Variants in IGSF21 observed in about 807,000 individuals in gnomAD.
IGSF21 encodes the protein immunoglobulin superfamily member 21.
In IGSF21, 28 loss-of-function variants were observed where a neutral mutation model predicts 46.8. The ratio of observed to expected loss-of-function variants is 0.60; its 90% CI spans 0.44 to 0.82. The LOEUF (loss-of-function observed/expected upper bound fraction) is 0.82. Ranked by LOEUF, IGSF21 falls within the 40% of genes least tolerant of loss-of-function variation. The pLI, the probability that IGSF21 is intolerant of heterozygous loss-of-function variation, is 0.00. For synonymous variants in IGSF21, 284 were observed against 273.6 expected (o/e 1.04, Z -0.38); for missense variants, 624 against 665.5 (o/e 0.94, Z 0.69).
chr1:18,339,550 G>C (rs1266583667), intron 4 of IGSF21, among the ~76,000 whole-genome samples: 1 of 152,080 alleles, frequency 6.6e-6, no homozygotes, highest in Non-Finnish European at 1.5e-5. Context: ...TGGGCAACCT[G>C]GCGAAATCCC....
chr1:18,323,719 C>T (rs1212021687), intron 3 of IGSF21, among the ~76,000 whole-genome samples: 2 of 152,034 alleles, frequency 1.3e-5, no homozygotes, highest in African/African-American at 4.8e-5. Flanking sequence ...CCCCTCTGTG[C>T]CTACTTTCTT....
chr1:18,265,878 G>T (rs115401177), intron 2 of IGSF21, among the ~76,000 whole-genome samples: 1 of 152,320 alleles, frequency 6.6e-6, no homozygotes, highest in East Asian at 1.9e-4. Flanking sequence ...CTGTCCCAGC[G>T]CCTGGGCCTT....
chr1:18,328,098 C>T (rs1265220560), intron 3 of IGSF21, among the ~76,000 whole-genome samples: 1 of 152,140 alleles, frequency 6.6e-6, no homozygotes, highest in Non-Finnish European at 1.5e-5. Context: ...AGGCAGATTC[C>T]AGAGAAAAGG....
chr1:18,115,925 G>T (rs956719815), intron 1 of IGSF21: 8 of 151,370 alleles, frequency 5.3e-5, no homozygotes, highest in African/African-American at 1.9e-4. Context: ...GAGGGAGGGA[G>T]GGAGGAGCAA....
intron 2 of IGSF21, among the ~76,000 whole-genome samples, chr1:18,255,968 C>A (rs2084888526): frequency 6.6e-6 from 1 of 152,158 alleles, no homozygotes; most frequent in South Asian, 2.1e-4. Context: ...CTGCATAAAC[C>A]CCTGCAGCAG....
intron 5 of IGSF21, among the ~76,000 whole-genome samples, chr1:18,363,688 G>A (rs181817451): frequency 1.1e-4 from 17 of 151,642 alleles, no homozygotes; most frequent in Admixed American, 5.9e-4. Flanking sequence ...AGCACAGGTG[G>A]GGCAGTGGGC....
chr1:18,139,929 A>G (rs1374494458), intron 1 of IGSF21, among the ~76,000 whole-genome samples: 2 of 150,326 alleles, frequency 1.3e-5, no homozygotes, highest in African/African-American at 4.9e-5. Flanking sequence ...GAATATCCCA[A>G]CTTCCTTTTT....
At position 18,227,181 on chromosome 1, in the gene IGSF21, AC is replaced by A. The variant is rs566754214; in HGVS notation, c.71-714del. 9.9e-5 allele frequency among the ~76,000 whole-genome samples: 15 copies of A among 152,238 alleles called. No individual in the cohort carries two copies. The South Asian group carries it at 3.1e-3, about 32-fold the overall frequency. On this transcript the variant is annotated intron_variant, in intron 1 of 9. Transcript: ENST00000251296. ...CACCACTGCCATGGCCAAGGCTTGGACCCGACCCTCCCTTTAGGTGGCAAAG... is the reference window on the plus strand; with the variant it reads ...CACCACTGCCATGGCCAAGGCTTGGACCGACCCTCCCTTTAGGTGGCAAAG...
intron 1 of IGSF21, among the ~76,000 whole-genome samples, chr1:18,167,254 G>T (rs760915302): frequency 4.6e-5 from 7 of 152,066 alleles, no homozygotes; most frequent in Non-Finnish European, 1.0e-4. Flanking sequence ...AAGAAGTGGG[G>T]ATTGGTCCAA....
chr1:18,216,076 T>C (rs2084442418), intron 1 of IGSF21, among the ~76,000 whole-genome samples: 1 of 152,188 alleles, frequency 6.6e-6, no homozygotes, highest in Non-Finnish European at 1.5e-5. Context: ...GTTTGGGCTG[T>C]GACTGAGATG....
At chr1:18,331,911 C>T (rs1165536131) in intron 3 of IGSF21, among the ~76,000 whole-genome samples, 1 of 152,072 alleles carries the variant, frequency 6.6e-6, no homozygotes, top group Non-Finnish European at 1.5e-5. Context: ...GTGCCTTGGG[C>T]TAATGGTGGA....
intron 3 of IGSF21, among the ~76,000 whole-genome samples, chr1:18,330,923 C>T (rs2085706374): frequency 6.6e-6 from 1 of 152,192 alleles, no homozygotes; most frequent in South Asian, 2.1e-4. Flanking sequence ...CATCAATTAA[C>T]CTACATGGAT....
At chr1:18,309,325 G>A (rs1297722051) in intron 3 of IGSF21, among the ~76,000 whole-genome samples, 2 of 152,116 alleles carry the variant, frequency 1.3e-5, no homozygotes, top group Non-Finnish European at 2.9e-5. Context: ...TGTGTGCCAA[G>A]CCAAGTGCAC....
At chr1:18,180,986 G>A (rs768813532) in intron 1 of IGSF21, among the ~76,000 whole-genome samples, 1 of 152,170 alleles carries the variant, frequency 6.6e-6, no homozygotes, top group Non-Finnish European at 1.5e-5. Context: ...TTTCCCCTGG[G>A]CCTCAGTCTC....
At chr1:18,351,072 T>G (rs2085947791) in intron 4 of IGSF21, among the ~76,000 whole-genome samples, 1 of 151,998 alleles carries the variant, frequency 6.6e-6, no homozygotes, top group South Asian at 2.1e-4. Context: ...ACTGTCTGGA[T>G]GAGGAAACCG....
chr1:18,362,128 C>G lies in IGSF21; in HGVS notation c.438C>G (p.Ser146=). 6.2e-7 allele frequency: 1 copy of G among 1,609,840 alleles called. No individual in the cohort carries two copies. The highest frequency in any genetic ancestry group is 8.5e-7 in the Non-Finnish European group (1 of 1,177,740). ...IFLNVMAPPT[S]IEVVAADTPA... is the part of the protein sequence containing the mutation. ...CTTTTGGGGCAGCTCCTCCCACCTC[C>G]ATTGAAGTGGTGGCTGCTGACACAC... Residue 146 remains serine (S), a synonymous_variant, in exon 5 of 10, where the codon TCC becomes TCG. Coordinates refer to ENST00000251296, the MANE Select transcript of IGSF21 (RefSeq NM_032880.5).
intron 2 of IGSF21, among the ~76,000 whole-genome samples, chr1:18,263,249 C>G (rs516656): frequency 0.14 from 21,482 of 152,114 alleles, 1,601 homozygotes; most frequent in Middle Eastern, 0.22. Context: ...TACTCAGAGC[C>G]AGTTTCGGGA....
At chr1:18,206,475 C>T (rs754015422) in intron 1 of IGSF21, among the ~76,000 whole-genome samples, 9 of 150,312 alleles carry the variant, frequency 6.0e-5, no homozygotes, top group Admixed American at 4.0e-4. Context: ...CTTGAGCCCA[C>T]GAGTTCAAGG....
At chr1:18,238,330 A>C (rs1158692020) in intron 2 of IGSF21, among the ~76,000 whole-genome samples, 1 of 152,136 alleles carries the variant, frequency 6.6e-6, no homozygotes, top group African/African-American at 2.4e-5. Flanking sequence ...GAGGCAGTCA[A>C]CCTTAGGCAG....
Sources: allele counts gnomAD v4.1 joint callset (sites outside exome capture counted in the v4.1 genomes callset), GRCh38; gene constraint gnomAD v4.1.1; transcripts MANE v1.5; gene names NCBI Gene and HGNC (gene_info 2026-07-23, HGNC 2026-07-21).